FGD2: variants seen among roughly 807,000 people sequenced by gnomAD.
FGD2 encodes the protein FYVE, RhoGEF and PH domain containing 2, also known as FYVE, RhoGEF and PH domain-containing protein 2.
FGD2 carries 52 observed loss-of-function variants against 75.9 expected under a neutral mutation model. The observed-to-expected ratio is 0.69, with a 90% CI of 0.55 to 0.86. The LOEUF (loss-of-function observed/expected upper bound fraction) is 0.86. Ranked by LOEUF, FGD2 falls within the 40% of genes least tolerant of loss-of-function variation. The pLI, the probability that FGD2 is intolerant of heterozygous loss-of-function variation, is 0.00. For synonymous variants in FGD2, 347 were observed against 348.6 expected, an observed-to-expected ratio of 1.00 and a Z score of 0.05; for missense variants, 790 against 872.0, an observed-to-expected ratio of 0.91 and a Z score of 1.18.
intron 6 of FGD2, chr6:37,014,387 C>G: frequency 1.6e-6 from 1 of 616,528 alleles, no homozygotes; most frequent in African/African-American, 1.8e-5. Context: ...ATTATACCCT[C>G]TAGGTCTGGC....
rs371554330 is a variant in FGD2, at chr6:37,021,496, C to A, written c.1234-16C>A. ...CCACACCTCAAGCCCCGACCCTCCCCCTCCCTGCACCCCAGGCCTTCCAAG... is the reference window on the plus strand; with the variant it reads ...CCACACCTCAAGCCCCGACCCTCCCACTCCCTGCACCCCAGGCCTTCCAAG... On this transcript the variant is annotated splice_polypyrimidine_tract_variant and intron_variant, in intron 11 of 15. Coordinates refer to ENST00000274963, the MANE Select transcript of FGD2 (RefSeq NM_173558.4). 9.3e-6 allele frequency: 15 copies of A among 1,610,524 alleles called. No individual in the cohort carries two copies. Among genetic ancestry groups the A allele is most frequent in the South Asian group, 1.1e-5 (1 of 90,334 alleles).
At chr6:37,021,949 G>A (rs771221453) in intron 12 of FGD2, 11 of 503,436 alleles carry the variant, frequency 2.2e-5, no homozygotes, top group Non-Finnish European at 3.5e-5. Context: ...GGCTGGGGAG[G>A]ATATCTGTGG....
At chr6:37,012,709 C>CT (rs1765068687) in intron 4 of FGD2, among the ~76,000 whole-genome samples, 1 of 121,908 alleles carries the variant, frequency 8.2e-6, no homozygotes, top group Non-Finnish European at 1.7e-5. Flanking sequence ...GAGACCCTGA[C>CT]TTAAAAAAAA....
At position 37,028,130 on chromosome 6, in the gene FGD2, C is replaced by T. The variant is rs1765919334; in HGVS notation, c.1935C>T (p.Pro645=). The T allele has an allele frequency of 6.2e-7, 1 of 1,605,576 alleles. No homozygotes were observed. Among genetic ancestry groups the T allele is most frequent in the Non-Finnish European group, 8.5e-7 (1 of 1,176,242 alleles). ...AGCGGGCGGCCAGTGGCTGGAGCCC[C>T]AGCTGGCCCAACGATGGGGACCTGT... ...AMERAASGWS[P]SWPNDGDLSD Residue 645 remains proline (P), a synonymous_variant, in exon 16 of 16, where the codon CCC becomes CCT. Transcript: ENST00000274963.
Position 37,012,784 on chromosome 6 carries a change from T to C in FGD2, c.528-825T>C, listed in dbSNP as rs561695759. Among the ~76,000 whole-genome samples, 335 of 151,208 alleles carry C rather than the reference T, an allele frequency of 2.2e-3. 3 individuals carry two copies. The highest frequency in any genetic ancestry group is 7.6e-3 in the African/African-American group (314 of 41,234). ...ATGAGATCGCCTGCCATCATTCCAA[T>C]TTTTTTCAATGAGAAAATCAGGGTA... On this transcript the variant is annotated intron_variant, in intron 4 of 15. Coordinates refer to ENST00000274963, the MANE Select transcript of FGD2 (RefSeq NM_173558.4).
Position 37,028,615 on chromosome 6 carries a change from C to CTTGTTTTTTTTTTTTT in FGD2, c.*454_*455insGTTTTTTTTTTTTTTT, listed in dbSNP as rs781196997. On this transcript the variant is annotated 3_prime_UTR_variant, in exon 16 of 16. Transcript: ENST00000274963. ...GGCTGAGTTGGGGGAGGCATGGGGT[C>CTTGTTTTTTTTTTTTT]TTTTTTTTTTTTTTTTTGAGACAGA... is the stretch of plus-strand genomic sequence containing the variant. The CTTGTTTTTTTTTTTTT allele has an allele frequency of 1.3e-5, 1 of 79,024 alleles. No individual in the cohort carries two copies. Among genetic ancestry groups the CTTGTTTTTTTTTTTTT allele is most frequent in the Non-Finnish European group, 2.3e-5 (1 of 44,274 alleles). 4.9% of individuals were successfully genotyped at this position (79,024 alleles called of 1,614,324 possible). A position where few individuals can be genotyped will look rare whatever the true frequency, so the allele number is the denominator to read the frequency against.
intron 1 of FGD2, among the ~76,000 whole-genome samples, chr6:37,007,777 G>A (rs901637380): frequency 6.6e-6 from 1 of 152,172 alleles, no homozygotes; most frequent in African/African-American, 2.4e-5. Flanking sequence ...AACCAGCTAC[G>A]CCCATGAGCT....
At chr6:37,022,499 G>C in intron 13 of FGD2, 129 bp downstream of exon 13, 1 of 1,321,652 alleles carries the variant, frequency 7.6e-7, no homozygotes, top group Non-Finnish European at 9.9e-7. Context: ...GCCCCACCTC[G>C]GCCTCCATCT....
chr6:37,026,529 C>T (rs956596869), intron 14 of FGD2, among the ~76,000 whole-genome samples: 12 of 150,738 alleles, frequency 8.0e-5, no homozygotes, highest in African/African-American at 2.9e-4. Context: ...CAGGTGCTCC[C>T]CTGTGGGGGT....
rs867353455 is a variant in FGD2 at position 37,014,001 on chromosome 6, A to G, written c.724A>G (p.Met242Val). The change falls in exon 6 of 16, where the codon ATG (methionine) becomes GTG (valine). Residue 242 changes from methionine (M) to valine (V), a missense_variant. Met to Val is a conservative substitution (Grantham distance 21). Transcript: ENST00000274963. ...ASGSLTLQHH[M>V]LEPVQRIPRY... The stretch of plus-strand genomic sequence containing the variant: ...GGGCAGCCTGACCCTGCAGCACCAC[A>G]TGCTGGAACCAGTGCAGAGAATTCC... The G allele has an allele frequency of 6.2e-7, 1 of 1,614,020 alleles. No homozygotes were observed.
At chr6:37,024,406 G>A (rs1449913784) in intron 13 of FGD2, 1 of 152,166 alleles carries the variant, frequency 6.6e-6, no homozygotes, top group Non-Finnish European at 1.5e-5. Flanking sequence ...ACCGTGGATA[G>A]GTAGAAGGAT....
chr6:37,026,735 C>T (rs947755665), intron 14 of FGD2, among the ~76,000 whole-genome samples: 4 of 152,024 alleles, frequency 2.6e-5, no homozygotes, highest in Admixed American at 1.3e-4. Context: ...CGGGAAGGCT[C>T]ATGCCTGTAA....
chr6:37,019,855 CTTT>C (rs11385767), intron 9 of FGD2, among the ~76,000 whole-genome samples: 4 of 136,210 alleles, frequency 2.9e-5, no homozygotes, highest in Non-Finnish European at 4.6e-5. Context: ...CTTTTCTTTT[CTTT>C]TTTTTTTTTT....
Position 37,014,929 on chromosome 6 carries a change from T to G in FGD2, c.920T>G (p.Leu307Arg), listed in dbSNP as rs1377186029. Residue 307 changes from leucine (L) to arginine (R), a missense_variant, in exon 8 of 16, where the codon CTG becomes CGG. Transcript: ENST00000274963. Reference protein sequence around the residue: ...LQDLWEVYQRLGLEDDIVDPS... With the variant: ...LQDLWEVYQRRGLEDDIVDPS... ...GACCTGTGGGAGGTGTACCAGCGCC[T>G]GGGCCTCGAGGACGACATAGTAGAC... The G allele has an allele frequency of 1.2e-6, 2 of 1,614,106 alleles. No homozygotes were observed. The highest frequency in any genetic ancestry group is 1.7e-6 in the Non-Finnish European group (2 of 1,180,008).
chr6:37,012,100 G>A (rs939846282), intron 4 of FGD2: 19 of 447,984 alleles, frequency 4.2e-5, no homozygotes, highest in Non-Finnish European at 5.9e-5. Flanking sequence ...AAGTGACCAA[G>A]TGACTTTGGG....
Position 37,014,790 on chromosome 6 carries a change from G to A in FGD2, c.882+86G>A, listed in dbSNP as rs1445483082. The A allele has an allele frequency of 3.7e-6, 6 of 1,608,542 alleles. No individual in the cohort carries two copies. In the African/African-American group the frequency reaches 8.0e-5, roughly 22 times the overall value. On this transcript the variant is annotated intron_variant, in intron 7 of 15. Coordinates refer to ENST00000274963, the MANE Select transcript of FGD2 (RefSeq NM_173558.4). ...CACCCATGACACCTATCCCACTGCT[G>A]CCCTCACTGTTACCCCCCAGTCCCC... is the stretch of plus-strand genomic sequence containing the variant.
chr6:37,011,615 G>A, intron 3 of FGD2, 91 bp from the exon 4 acceptor site: 1 of 1,542,278 alleles, frequency 6.5e-7, no homozygotes, highest in Non-Finnish European at 8.9e-7. Context: ...GTGGAAGCAT[G>A]CAGTAGGCTT....
At chr6:37,018,292 G>A (rs985412072) in intron 9 of FGD2, among the ~76,000 whole-genome samples, 2 of 152,176 alleles carry the variant, frequency 1.3e-5, no homozygotes, top group African/African-American at 4.8e-5. Context: ...CCGGGTCTCT[G>A]GAGTCTGCTA....
Position 37,021,565 on chromosome 6 carries a change from TGCG to T in FGD2, c.1290_1292del (p.Ala431del). On this transcript the variant is annotated inframe_deletion, in exon 12 of 16. Coordinates refer to ENST00000274963, the MANE Select transcript of FGD2 (RefSeq NM_173558.4). The stretch of plus-strand genomic sequence containing the variant: ...AGAAGCGGAATGAAACCTTCAAGGC[TGCG>T]GCCCAGGGGCCTGAGGGAGACATCC... 2.5e-6 allele frequency: 4 copies of T among 1,613,918 alleles called. No homozygotes were observed. Among genetic ancestry groups the T allele is most frequent in the Non-Finnish European group, 3.4e-6 (4 of 1,179,854 alleles).
Sources: allele counts gnomAD v4.1 joint callset (sites outside exome capture counted in the v4.1 genomes callset), GRCh38; gene constraint gnomAD v4.1.1; transcripts MANE v1.5; gene names NCBI Gene and HGNC (gene_info 2026-07-23, HGNC 2026-07-21).